The following RAB10 variants were observed in gnomAD, a reference collection of about 807,000 sequenced individuals.
RAB10 encodes RAB10, member RAS oncogene family, also known as ras-related protein Rab-10.
Under a neutral mutation model 25.7 loss-of-function variants are expected in RAB10, and 5 were observed. That is an observed-to-expected ratio of 0.19 (90% CI 0.10 to 0.41). The LOEUF (loss-of-function observed/expected upper bound fraction) is 0.41. Ranked by LOEUF, RAB10 falls within the 10% of genes least tolerant of loss-of-function variation. The pLI, the probability that RAB10 is intolerant of heterozygous loss-of-function variation, is 1.00. For synonymous variants in RAB10, 89 were observed against 86.4 expected, an observed-to-expected ratio of 1.03 and a Z score of -0.16; for missense variants, 103 against 245.8, an observed-to-expected ratio of 0.42 and a Z score of 3.89.
intron 1 of RAB10, among the ~76,000 whole-genome samples, chr2:26,041,046 T>G (rs924564339): frequency 4.6e-5 from 7 of 152,024 alleles, no homozygotes; most frequent in African/African-American, 1.7e-4. Flanking sequence ...TCTTTTTTTT[T>G]TTTCTCATGT....
rs1028941283 is a variant in RAB10, at chr2:26,072,071, A to T, written c.128-26591A>T. On this transcript the variant is annotated intron_variant, in intron 1 of 5. Coordinates refer to ENST00000264710, the MANE Select transcript of RAB10 (RefSeq NM_016131.5). The stretch of plus-strand genomic sequence containing the variant: ...AATGACCAATACATGCTGTTATAAA[A>T]TTGCGCAGATAAAAAGACCTATTCA... Among the ~76,000 whole-genome samples, 24 of 59,186 alleles carry T rather than the reference A, an allele frequency of 4.1e-4. 1 individual carries two copies. Among genetic ancestry groups the T allele is most frequent in the African/African-American group, 1.2e-3 (22 of 18,474 alleles). The allele number at this position is 59,186 out of a possible 152,430, so 38.8% of individuals were successfully genotyped here.
chr2:26,117,395 C>G (rs1264604509), intron 3 of RAB10, among the ~76,000 whole-genome samples: 1 of 151,952 alleles, frequency 6.6e-6, no homozygotes, highest in Non-Finnish European at 1.5e-5. Context: ...TGGCGGATCA[C>G]CAGGTCAGAA....
intron 1 of RAB10, among the ~76,000 whole-genome samples, chr2:26,093,186 C>T (rs1490911380): frequency 6.6e-6 from 1 of 152,114 alleles, no homozygotes; most frequent in Non-Finnish European, 1.5e-5. Context: ...TTGTTTCTTC[C>T]TTTTATATGG....
intron 1 of RAB10, among the ~76,000 whole-genome samples, chr2:26,095,132 G>T (rs1667184665): frequency 6.6e-6 from 1 of 152,104 alleles, no homozygotes; most frequent in South Asian, 2.1e-4. Flanking sequence ...ATGAGGCCTG[G>T]TATCAGAAAC....
chr2:26,088,816 G>A (rs759458866), intron 1 of RAB10, among the ~76,000 whole-genome samples: 9 of 151,944 alleles, frequency 5.9e-5, no homozygotes, highest in Non-Finnish European at 1.0e-4. Flanking sequence ...GTAGACACAG[G>A]GTTTCACCGT....
intron 1 of RAB10, among the ~76,000 whole-genome samples, chr2:26,054,494 A>G (rs59234159): frequency 1.8e-3 from 278 of 152,292 alleles, no homozygotes; most frequent in African/African-American, 6.4e-3. Context: ...GTGGCCGGAT[A>G]GGGGTGTAAT....
intron 3 of RAB10, among the ~76,000 whole-genome samples, chr2:26,119,878 A>C (rs542729932): frequency 6.6e-6 from 1 of 152,338 alleles, no homozygotes; most frequent in African/African-American, 2.4e-5. Flanking sequence ...AATGGTACAC[A>C]TGTATAAAGA....
chr2:26,056,252 G>A (rs1371291044), intron 1 of RAB10, among the ~76,000 whole-genome samples: 1 of 151,978 alleles, frequency 6.6e-6, no homozygotes, highest in Non-Finnish European at 1.5e-5. Context: ...AGGCTAGAGT[G>A]CAGTGGCGTG....
At chr2:26,110,049 A>C in intron 3 of RAB10, 143 bp downstream of exon 3, 1 of 1,044,536 alleles carries the variant, frequency 9.6e-7, no homozygotes, top group Admixed American at 4.1e-5. Context: ...TCTAAAAGTT[A>C]ATGTTGGCCG....
intron 1 of RAB10, among the ~76,000 whole-genome samples, chr2:26,040,369 A>T (rs527313907): frequency 6.6e-6 from 1 of 152,056 alleles, no homozygotes; most frequent in African/African-American, 2.4e-5. Context: ...TAGAGAATCT[A>T]TAACATCCTG....
intron 2 of RAB10, among the ~76,000 whole-genome samples, chr2:26,100,525 TA>T (rs148029143): frequency 0.016 from 2,361 of 152,322 alleles, 43 homozygotes; most frequent in African/African-American, 0.042. Context: ...TATATTTCCT[TA>T]ATTGTTAGTA....
chr2:26,121,696 T>G (rs1044119767), intron 3 of RAB10, among the ~76,000 whole-genome samples: 46 of 152,212 alleles, frequency 3.0e-4, no homozygotes, highest in African/African-American at 1.1e-3. Context: ...TTATTAAAAG[T>G]TTAAATTTAT....
intron 1 of RAB10, among the ~76,000 whole-genome samples, chr2:26,063,267 A>G (rs181402683): frequency 8.2e-4 from 125 of 152,306 alleles, no homozygotes; most frequent in African/African-American, 2.8e-3. Context: ...GAGAAGAGGG[A>G]CCATCTGTTC....
chr2:26,038,380 G>C (rs1665811266), intron 1 of RAB10, among the ~76,000 whole-genome samples: 1 of 151,424 alleles, frequency 6.6e-6, no homozygotes, highest in South Asian at 2.1e-4. Flanking sequence ...ATTTTTAGTA[G>C]AGGTGGTGTT....
At chr2:26,078,599 G>A (rs538731796) in intron 1 of RAB10, among the ~76,000 whole-genome samples, 20 of 152,158 alleles carry the variant, frequency 1.3e-4, no homozygotes, top group Non-Finnish European at 2.5e-4. Context: ...TGTAATTGGA[G>A]TCTAGGAAAA....
rs111786695 is a variant in RAB10 at position 26,090,792 on chromosome 2, G to T, written c.128-7870G>T. Among the ~76,000 whole-genome samples, 839 of 152,018 alleles carry T rather than the reference G, an allele frequency of 5.5e-3. 7 individuals carry two copies. The highest frequency in any genetic ancestry group is 0.019 in the African/African-American group (781 of 41,476). ...CTACTAAAATTACAAAAGTTAACTGGGTGTGGTGGCACAGGCCTATAGTCC... is the reference window on the plus strand; with the variant it reads ...CTACTAAAATTACAAAAGTTAACTGTGTGTGGTGGCACAGGCCTATAGTCC... On this transcript the variant is annotated intron_variant, in intron 1 of 5. Coordinates refer to ENST00000264710, the MANE Select transcript of RAB10 (RefSeq NM_016131.5).
chr2:26,053,236 C>T (rs1666172642), intron 1 of RAB10, among the ~76,000 whole-genome samples: 2 of 152,114 alleles, frequency 1.3e-5, no homozygotes, highest in South Asian at 4.1e-4. Flanking sequence ...TGTAAATATC[C>T]AGTCCTCCTT....
chr2:26,127,553 A>T (rs1341620142), intron 4 of RAB10, among the ~76,000 whole-genome samples: 1 of 152,208 alleles, frequency 6.6e-6, no homozygotes, highest in Admixed American at 6.5e-5. Context: ...AAAATGTGAC[A>T]ATCAGGAGCC....
intron 3 of RAB10, among the ~76,000 whole-genome samples, chr2:26,126,594 A>G (rs1031363154): frequency 1.3e-5 from 2 of 152,190 alleles, no homozygotes; most frequent in African/African-American, 4.8e-5. Context: ...CTCTGTCTCA[A>G]AAAGAGAGAT....
Sources: gnomAD v4.1 joint callset for allele counts (sites outside exome capture counted in the v4.1 genomes callset) on GRCh38, gnomAD v4.1.1 for gene constraint, MANE v1.5 for transcripts, NCBI Gene and HGNC (gene_info 2026-07-23, HGNC 2026-07-21) for gene names.